TGM5: variants seen among roughly 807,000 people sequenced by gnomAD.
The protein encoded by TGM5 is protein-glutamine gamma-glutamyltransferase 5.
A neutral mutation model predicts 77.2 loss-of-function variants in TGM5; 69 were observed. That is an observed-to-expected ratio of 0.89 (90% CI 0.74 to 1.09). The LOEUF (loss-of-function observed/expected upper bound fraction) is 1.09, where lower values mean the gene tolerates loss of function less well. Ranked by LOEUF, TGM5 falls within the 50% of genes least tolerant of loss-of-function variation. The pLI is 0.00. For synonymous variants in TGM5, 346 were observed against 351.8 expected, an observed-to-expected ratio of 0.98 and a Z score of 0.18; for missense variants, 842 against 896.5, an observed-to-expected ratio of 0.94 and a Z score of 0.78.
chr15:43,259,433 C>G (rs2042768744), intron 3 of TGM5, among the ~76,000 whole-genome samples: 1 of 149,454 alleles, frequency 6.7e-6, no homozygotes, highest in African/African-American at 2.5e-5. Context: ...AAAATGTGCC[C>G]AAAGTTGAAT....
At position 43,260,412 on chromosome 15, in the gene TGM5, C is replaced by G. The variant is rs763646106; in HGVS notation, c.178G>C (p.Val60Leu). 8 of 1,614,188 alleles carry G rather than the reference C, an allele frequency of 5.0e-6. No homozygotes were observed. The highest frequency in any genetic ancestry group is 1.7e-5 in the Admixed American group (1 of 60,028). ...CTGGGGTTCTTACCAGTTTCAACCA[C>G]GAAGATGATGTTGTCCAGGCCTGGC... is the stretch of plus-strand genomic sequence containing the variant. Reference protein sequence around the residue: ...FQPGLDNIIFVVETGPLPDLA... With the variant: ...FQPGLDNIIFLVETGPLPDLA... The change falls in exon 2 of 13, where the codon GTG becomes CTG. Residue 60 changes from valine (V) to leucine (L), a missense_variant. This residue lies in a region of TGM5 where 815 missense variants were observed against 844.6 expected (regional missense o/e 0.96). Transcript: ENST00000220420.
At chr15:43,236,895 G>C (rs566430594) in intron 9 of TGM5, among the ~76,000 whole-genome samples, 2 of 151,434 alleles carry the variant, frequency 1.3e-5, no homozygotes, top group South Asian at 4.2e-4. Context: ...CTTGAACCCA[G>C]GAAGCAGAGG....
At chr15:43,261,081 T>TG (rs1566837475) in intron 1 of TGM5, among the ~76,000 whole-genome samples, 16 of 94,680 alleles carry the variant, frequency 1.7e-4, no homozygotes, top group African/African-American at 4.6e-4. Context: ...TGTGTGTTTT[T>TG]TTTTTTTTTT....
intron 11 of TGM5, 21 bp downstream of exon 11, chr15:43,234,748 A>G (rs925285325): frequency 6.2e-7 from 1 of 1,613,956 alleles, no homozygotes; most frequent in Non-Finnish European, 8.5e-7. Flanking sequence ...CCCACAAGCC[A>G]TTTGCAGGAC....
In TGM5 at chr15:43,233,456, G is replaced by A. The variant is rs148060703; in HGVS notation, c.2009+98C>T. On this transcript the variant is annotated intron_variant, in intron 12 of 12. Transcript: ENST00000220420. ...GGAGTGCTTCCACTTTCCCTTCCCC[G>A]GTGTTGTGGAGTCTGGCTCAGGAAC... The A allele has an allele frequency of 8.5e-4, 1,363 of 1,611,890 alleles. 6 individuals are homozygous for A. The African/African-American group carries it at 0.016, about 18-fold the overall frequency.
intron 6 of TGM5, among the ~76,000 whole-genome samples, chr15:43,251,172 G>C (rs2142371725): frequency 6.6e-6 from 1 of 152,252 alleles, no homozygotes; most frequent in East Asian, 1.9e-4. Flanking sequence ...ATGACATGGA[G>C]TCTCAAAGCT....
intron 1 of TGM5, among the ~76,000 whole-genome samples, chr15:43,260,978 C>A (rs1479498936): frequency 1.3e-5 from 2 of 150,698 alleles, no homozygotes; most frequent in Non-Finnish European, 3.0e-5. Context: ...GTCTCACTTG[C>A]GCCTGTACTA....
At chr15:43,248,497 C>A (rs1313589724) in intron 6 of TGM5, among the ~76,000 whole-genome samples, 1 of 152,112 alleles carries the variant, frequency 6.6e-6, no homozygotes, top group African/African-American at 2.4e-5. Context: ...TAAGACCCAG[C>A]CAAAGCCCTG....
chr15:43,254,421 A>T (rs2042729891), intron 4 of TGM5, among the ~76,000 whole-genome samples: 1 of 152,200 alleles, frequency 6.6e-6, no homozygotes, highest in African/African-American at 2.4e-5. Flanking sequence ...GTAAATGAAT[A>T]CATTTATTCC....
intron 6 of TGM5, among the ~76,000 whole-genome samples, chr15:43,245,392 A>G (rs2042663263): frequency 6.6e-6 from 1 of 152,150 alleles, no homozygotes; most frequent in Non-Finnish European, 1.5e-5. Flanking sequence ...TCTTTATCCC[A>G]TGCCTTTAAT....
chr15:43,238,770 G>A (rs539717880), intron 9 of TGM5, 47 bp downstream of exon 9: 5 of 1,607,912 alleles, frequency 3.1e-6, no homozygotes, highest in East Asian at 2.2e-5. Context: ...GTAGGGGAAG[G>A]TTCCTGCAGG....
intron 8 of TGM5, 52 bp downstream of exon 8, chr15:43,239,111 G>T: frequency 6.2e-7 from 1 of 1,614,152 alleles, no homozygotes; most frequent in Middle Eastern, 1.7e-4. Context: ...CTGGGCAGGG[G>T]TGGGGTGCTT....
intron 7 of TGM5, 105 bp from the exon 8 acceptor site, chr15:43,239,371 C>T: frequency 8.4e-7 from 1 of 1,186,692 alleles, no homozygotes; most frequent in South Asian, 1.2e-5. Flanking sequence ...ACAGACTTAG[C>T]ACACACAGGG....
At chr15:43,243,027 C>T (rs989294237) in intron 6 of TGM5, among the ~76,000 whole-genome samples, 1 of 152,142 alleles carries the variant, frequency 6.6e-6, no homozygotes, top group Non-Finnish European at 1.5e-5. Context: ...TCATGAGTGG[C>T]CACCTGAAGT....
In TGM5 at chr15:43,239,033, A is replaced by G. The variant is rs772196871; in HGVS notation, c.1129T>C (p.Ser377Pro). 3 of 1,613,960 alleles carry G rather than the reference A, an allele frequency of 1.9e-6. No individual in the cohort carries two copies. The highest frequency in any genetic ancestry group is 2.5e-6 in the Non-Finnish European group (3 of 1,179,966). Residue 377 changes from serine (S) to proline (P), a missense_variant, in exon 9 of 13, where the codon TCT (serine) becomes CCT (proline). Around this residue, in one of 2 missense-constraint regions of TGM5, gnomAD observed 815 missense variants for 844.6 expected, o/e 0.96. Transcript: ENST00000220420. The part of the protein sequence containing the change: ...SNGVYCCGPA[S>P]VRAIKEGEVD... Reference sequence around the variant, plus strand: ...TCTCCTTCTTTGATGGCTCTGACAGAGGCAGGGCCACAGCAGTAGACGCCT... The same window carrying G: ...TCTCCTTCTTTGATGGCTCTGACAGGGGCAGGGCCACAGCAGTAGACGCCT...
intron 6 of TGM5, among the ~76,000 whole-genome samples, chr15:43,246,010 A>T (rs1303947540): frequency 6.6e-6 from 1 of 152,040 alleles, no homozygotes; most frequent in African/African-American, 2.4e-5. Context: ...AAAAGACAAA[A>T]ATTTCAGCTG....
At chr15:43,233,917 C>G (rs1422688615) in intron 11 of TGM5, among the ~76,000 whole-genome samples, 1 of 152,154 alleles carries the variant, frequency 6.6e-6, no homozygotes, top group Non-Finnish European at 1.5e-5. Context: ...AGGTGTCCCC[C>G]CTCCCCTCTC....
At chr15:43,243,507 A>C (rs2042652909) in intron 6 of TGM5, among the ~76,000 whole-genome samples, 2 of 152,232 alleles carry the variant, frequency 1.3e-5, no homozygotes. Flanking sequence ...AGTAGAACAG[A>C]ATGAAGTTAC....
At chr15:43,249,369 A>ACCC (rs2042689534) in intron 6 of TGM5, among the ~76,000 whole-genome samples, 1 of 152,206 alleles carries the variant, frequency 6.6e-6, no homozygotes. Flanking sequence ...TTACTGTCTA[A>ACCC]CTCCAAAACA....
Sources: allele counts gnomAD v4.1 joint callset (sites outside exome capture counted in the v4.1 genomes callset), GRCh38; gene constraint gnomAD v4.1.1; regional missense constraint gnomAD v4.1.1; transcripts MANE v1.5; gene names NCBI Gene and HGNC (gene_info 2026-07-23, HGNC 2026-07-21).